IFT74: variants seen among roughly 807,000 people sequenced by gnomAD.
IFT74 encodes the protein intraflagellar transport 74.
In IFT74, 92 loss-of-function variants were observed where a neutral mutation model predicts 96.7. The observed-to-expected ratio is 0.95, with a 90% CI of 0.80 to 1.13. The LOEUF is 1.13. Ranked by LOEUF, IFT74 falls within the 50% of genes most tolerant of loss-of-function variation. The pLI is 0.00. For synonymous variants in IFT74, 223 were observed against 213.2 expected (o/e 1.05, Z -0.40); for missense variants, 811 against 698.2 (o/e 1.16, Z -1.82).
rs1820508379 is a variant in IFT74 at position 27,063,339 on chromosome 9, T to C, written c.*603T>C. Among the ~76,000 whole-genome samples, 1 of 152,188 alleles carries C rather than the reference T, an allele frequency of 6.6e-6. No individual in the cohort carries two copies. Among genetic ancestry groups the C allele is most frequent in the Non-Finnish European group, 1.5e-5 (1 of 68,000 alleles). On this transcript the variant is annotated 3_prime_UTR_variant, in exon 20 of 20. Coordinates refer to ENST00000380062, the MANE Select transcript of IFT74 (RefSeq NM_025103.4). ...AAATATTTTTTCACATATATATACCTGGAAGAACATTAGGTAAAAGACTAC... is the reference window on the plus strand; with the variant it reads ...AAATATTTTTTCACATATATATACCCGGAAGAACATTAGGTAAAAGACTAC...
chr9:27,036,377 A>G, intron 13 of IFT74: 1 of 1,555,990 alleles, frequency 6.4e-7, no homozygotes, highest in Non-Finnish European at 8.7e-7. Context: ...CATTAAGCTT[A>G]TATGTACTCT....
intron 4 of IFT74, chr9:26,982,323 A>G (rs1323715465): frequency 2.3e-6 from 1 of 431,942 alleles, no homozygotes; most frequent in East Asian, 7.9e-5. Context: ...GAGTGCAATG[A>G]TGGGATCTCA....
upstream of IFT74, among the ~76,000 whole-genome samples, chr9:26,952,514 T>C (rs951662104): frequency 2.0e-5 from 3 of 152,084 alleles, no homozygotes; most frequent in African/African-American, 7.2e-5. Flanking sequence ...TGACCTCAGG[T>C]GATCCGCCTG....
chr9:26,969,214 A>G (rs1322553473), intron 2 of IFT74, among the ~76,000 whole-genome samples: 2 of 152,106 alleles, frequency 1.3e-5, no homozygotes, highest in Admixed American at 6.6e-5. Flanking sequence ...ATAGTTTCCA[A>G]AATTCCTCTT....
At chr9:27,043,960 A>G (rs1272987211) in intron 13 of IFT74, among the ~76,000 whole-genome samples, 1 of 152,182 alleles carries the variant, frequency 6.6e-6, no homozygotes, top group Non-Finnish European at 1.5e-5. Flanking sequence ...CAAAATTGCA[A>G]ACGGATTATT....
intron 10 of IFT74, among the ~76,000 whole-genome samples, chr9:27,013,473 GATTGCCAA>G (rs1027948479): frequency 6.6e-6 from 1 of 152,190 alleles, no homozygotes; most frequent in Non-Finnish European, 1.5e-5. Context: ...AATGTTGTCA[GATTGCCAA>G]ATTGCCTTCA....
intron 8 of IFT74, chr9:26,993,408 G>A (rs1258775055): frequency 1.3e-5 from 2 of 152,294 alleles, no homozygotes. Context: ...AGAAACATTA[G>A]CCATAATATA....
At chr9:26,983,156 C>T (rs1439745926) in intron 4 of IFT74, among the ~76,000 whole-genome samples, 1 of 152,096 alleles carries the variant, frequency 6.6e-6, no homozygotes, top group African/African-American at 2.4e-5. Context: ...TCCTAGAAGG[C>T]AATAAAGAAA....
chr9:27,005,193 G>A lies in IFT74; in HGVS notation c.588-3827G>A, dbSNP rs1369294091. On this transcript the variant is annotated intron_variant, in intron 8 of 19. Transcript: ENST00000380062. ...TTCAAGGAAAAAACCTAAGTAAGAA[G>A]AATAGTTATCAGCCTGCTTCAATAA... is the stretch of plus-strand genomic sequence containing the variant. Among the ~76,000 whole-genome samples the A allele has an allele frequency of 2.0e-5, 3 of 151,894 alleles. No homozygotes were observed. The East Asian group carries it at 5.8e-4, about 29-fold the overall frequency.
At chr9:27,048,091 T>A (rs1171964295) in intron 15 of IFT74, 57 bp from the exon 16 acceptor site, 1 of 1,289,714 alleles carries the variant, frequency 7.8e-7, no homozygotes, top group Non-Finnish European at 1.1e-6. Flanking sequence ...AAGAGTTTTA[T>A]TGAGAACTAA....
chr9:27,024,185 T>G (rs910704581), intron 12 of IFT74, among the ~76,000 whole-genome samples: 1 of 152,184 alleles, frequency 6.6e-6, no homozygotes, highest in Admixed American at 6.5e-5. Context: ...CATGACAGCT[T>G]CACTGCCAGC....
In IFT74 at chr9:27,064,159, G is replaced by A. The variant is rs1820538389; in HGVS notation, c.*1423G>A. Among the ~76,000 whole-genome samples, 1 of 152,080 alleles carries A rather than the reference G, an allele frequency of 6.6e-6. No individual in the cohort carries two copies. Among genetic ancestry groups the A allele is most frequent in the Non-Finnish European group, 1.5e-5 (1 of 67,970 alleles). On this transcript the variant is annotated 3_prime_UTR_variant, in exon 20 of 20. Coordinates refer to ENST00000380062, the MANE Select transcript of IFT74 (RefSeq NM_025103.4). Reference sequence around the variant, plus strand: ...CTTTCACAGAGCCTAGGTCACATGAGATGTGTCATTCCAAGAAATAGACTT... The same window carrying A: ...CTTTCACAGAGCCTAGGTCACATGAAATGTGTCATTCCAAGAAATAGACTT...
chr9:27,047,153 A>G (rs1819727167), intron 14 of IFT74, 121 bp from the exon 15 acceptor site: 1 of 550,784 alleles, frequency 1.8e-6, no homozygotes, highest in African/African-American at 2.0e-5. Flanking sequence ...GCCTGGCAAC[A>G]GAGTGAGACT....
chr9:27,061,016 A>AT lies in IFT74; in HGVS notation c.1684+372dup, dbSNP rs1820397178. 1.9e-5 allele frequency: 4 copies of AT among 205,864 alleles called. 1 individual carries two copies. The highest frequency in any genetic ancestry group is 1.2e-4 in the South Asian group (2 of 16,928). The allele number at this position is 205,864 out of a possible 1,614,324, so 12.8% of individuals were successfully genotyped here. ...AGCTGAAAATGAAATTGACTGAGTT[A>AT]TTTTTTTCTAGGAATTTTTTTAAAG... On this transcript the variant is annotated intron_variant, in intron 19 of 19. Coordinates refer to ENST00000380062, the MANE Select transcript of IFT74 (RefSeq NM_025103.4).
chr9:27,008,141 T>A (rs1399188349), intron 8 of IFT74, among the ~76,000 whole-genome samples: 1 of 152,212 alleles, frequency 6.6e-6, no homozygotes, highest in East Asian at 1.9e-4. Context: ...GAAATAGCAA[T>A]GTTAACTAAA....
chr9:27,008,771 G>A (rs1828909763), intron 8 of IFT74, among the ~76,000 whole-genome samples: 1 of 152,120 alleles, frequency 6.6e-6, no homozygotes, highest in South Asian at 2.1e-4. Context: ...AAAATAAAAT[G>A]GAGAGTAAGG....
At chr9:27,011,168 G>A (rs150046811) in intron 9 of IFT74, among the ~76,000 whole-genome samples, 1,892 of 152,184 alleles carry the variant, frequency 0.012, 37 homozygotes, top group African/African-American at 0.042. Context: ...CAGGTACTTG[G>A]TTGATCCCGG....
chr9:27,033,539 A>C (rs1193104944), intron 13 of IFT74, among the ~76,000 whole-genome samples: 1 of 147,830 alleles, frequency 6.8e-6, no homozygotes, highest in South Asian at 2.2e-4. Context: ...ATGCCACTGC[A>C]CTTCAGCCTG....
intron 8 of IFT74, among the ~76,000 whole-genome samples, chr9:27,007,997 C>T (rs192928376): frequency 2.7e-4 from 41 of 152,228 alleles, no homozygotes; most frequent in Middle Eastern, 3.4e-3. Flanking sequence ...CTTTTGATTA[C>T]GTGATAAAAA....
Sources: allele counts gnomAD v4.1 joint callset (sites outside exome capture counted in the v4.1 genomes callset), GRCh38; gene constraint gnomAD v4.1.1; transcripts MANE v1.5; gene names NCBI Gene and HGNC (gene_info 2026-07-23, HGNC 2026-07-21).